LIPJ: variants seen among roughly 807,000 people sequenced by gnomAD.
The protein encoded by LIPJ is lipase family member J.
In LIPJ, 33 loss-of-function variants were observed where a neutral mutation model predicts 39.8. The ratio of observed to expected loss-of-function variants is 0.83; its 90% CI spans 0.63 to 1.11. The LOEUF is 1.11. Ranked by LOEUF, LIPJ falls within the 50% of genes least tolerant of loss-of-function variation. LIPJ has a pLI of 0.00. For synonymous variants in LIPJ, 128 were observed against 139.2 expected, an observed-to-expected ratio of 0.92 and a Z score of 0.57; for missense variants, 422 against 427.9, an observed-to-expected ratio of 0.99 and a Z score of 0.12.
At chr10:88,592,623 G>A (rs1209485844) in intron 4 of LIPJ, 1 of 151,878 alleles carries the variant, frequency 6.6e-6, no homozygotes, top group African/African-American at 2.4e-5. Context: ...AGATTAGAGA[G>A]CCAGCTTTTT....
At chr10:88,598,841 A>G (rs1851347876) in intron 8 of LIPJ, among the ~76,000 whole-genome samples, 1 of 151,402 alleles carries the variant, frequency 6.6e-6, no homozygotes. Flanking sequence ...TTTCAAATAC[A>G]GAGAAGAATT....
At chr10:88,609,646 ATC>A (rs895398150), downstream of LIPJ, among the ~76,000 whole-genome samples, 9 of 152,220 alleles carry the variant, frequency 5.9e-5, no homozygotes, top group Admixed American at 4.6e-4. Flanking sequence ...CACGCCTGTA[ATC>A]CCAGCACTTT....
chr10:88,589,186 G>C (rs977471516), intron 2 of LIPJ, among the ~76,000 whole-genome samples: 1 of 151,886 alleles, frequency 6.6e-6, no homozygotes, highest in Non-Finnish European at 1.5e-5. Context: ...GAAGCAAGCA[G>C]TGTGTAGTAA....
intron 4 of LIPJ, chr10:88,593,196 C>T (rs1851138287): frequency 6.6e-6 from 1 of 151,698 alleles, no homozygotes; most frequent in South Asian, 2.1e-4. Flanking sequence ...CCAAAGTGAC[C>T]AGGCGGTGGT....
intron 10 of LIPJ, 106 bp from the exon 11 acceptor site, chr10:88,606,568 C>T: frequency 1.6e-6 from 1 of 623,222 alleles, no homozygotes; most frequent in Non-Finnish European, 2.7e-6. Context: ...TTAGATTTGA[C>T]TTATTTTAAA....
intron 8 of LIPJ, among the ~76,000 whole-genome samples, chr10:88,597,758 G>A (rs963376681): frequency 2.0e-5 from 3 of 151,868 alleles, no homozygotes; most frequent in Non-Finnish European, 4.4e-5. Flanking sequence ...ATAAAGATAT[G>A]AGAAGGCAGA....
chr10:88,585,281 A>G (rs1230084755), upstream of LIPJ, among the ~76,000 whole-genome samples: 1 of 152,142 alleles, frequency 6.6e-6, no homozygotes, highest in Non-Finnish European at 1.5e-5. Flanking sequence ...GCTCTTTTCC[A>G]TCCTTTCCAG....
At chr10:88,613,175 G>A in the LIPJ span, among the ~76,000 whole-genome samples, 5 of 152,178 alleles carry the variant, frequency 3.3e-5, no homozygotes, top group South Asian at 4.2e-4. Context: ...TTGTTTCTTC[G>A]GGGCAATAGC....
chr10:88,586,237 A>G (rs532415171), upstream of LIPJ, among the ~76,000 whole-genome samples: 19 of 152,128 alleles, frequency 1.2e-4, no homozygotes, highest in South Asian at 1.2e-3. Context: ...TTACGCCCCA[A>G]CCTCCATGGG....
upstream of LIPJ, among the ~76,000 whole-genome samples, chr10:88,585,038 A>C (rs1850862680): frequency 6.6e-6 from 1 of 152,244 alleles, no homozygotes; most frequent in African/African-American, 2.4e-5. Flanking sequence ...TGAAATTAAA[A>C]GTTCAGATTT....
chr10:88,594,907 C>A lies in LIPJ; in HGVS notation c.439+131C>A, dbSNP rs541485601. ...AAACTGTGAGACAAACATAGTACAGCAGAATGCCCTGGAATCTTACATGCT... is the reference window on the plus strand; with the variant it reads ...AAACTGTGAGACAAACATAGTACAGAAGAATGCCCTGGAATCTTACATGCT... On this transcript the variant is annotated intron_variant, in intron 6 of 10. Coordinates refer to ENST00000371939, the Ensembl canonical transcript of LIPJ. 9.4e-5 allele frequency: 37 copies of A among 393,434 alleles called. No homozygotes were observed. In the South Asian group the frequency reaches 3.1e-3, roughly 33 times the overall value. The allele number at this position is 393,434 out of a possible 1,614,324, so 24.4% of individuals were successfully genotyped here.
At chr10:88,617,975 C>T in the LIPJ span, among the ~76,000 whole-genome samples, 3 of 152,328 alleles carry the variant, frequency 2.0e-5, no homozygotes, top group Middle Eastern at 3.4e-3. Context: ...AGCACTCTCC[C>T]TAGATGATCT....
At chr10:88,604,251 G>A (rs1161049815) in intron 9 of LIPJ, among the ~76,000 whole-genome samples, 1 of 152,158 alleles carries the variant, frequency 6.6e-6, no homozygotes, top group African/African-American at 2.4e-5. Context: ...CTTAGGGAAA[G>A]GAGGCAAAAA....
At chr10:88,590,800 T>C (rs1162324851) in intron 3 of LIPJ, 104 bp downstream of exon 3, 1 of 760,128 alleles carries the variant, frequency 1.3e-6, no homozygotes, top group Non-Finnish European at 2.2e-6. Flanking sequence ...CGTATACATC[T>C]ATATGTTAAT....
intron 8 of LIPJ, among the ~76,000 whole-genome samples, chr10:88,601,097 C>T (rs955050370): frequency 2.0e-5 from 3 of 152,022 alleles, no homozygotes; most frequent in Non-Finnish European, 2.9e-5. Flanking sequence ...TACCGACACA[C>T]GCCACCATGA....
chr10:88,590,171 C>T (rs1309319242), intron 2 of LIPJ, among the ~76,000 whole-genome samples: 1 of 151,532 alleles, frequency 6.6e-6, no homozygotes, highest in Non-Finnish European at 1.5e-5. Context: ...CCAAATCTCC[C>T]CGTTCTTTCC....
chr10:88,596,374 T>C (rs1299074662), exon 7 of LIPJ: 2 of 1,556,698 alleles, frequency 1.3e-6, no homozygotes, highest in Admixed American at 1.9e-5. Flanking sequence ...ACTTAAAAAG[T>C]CCTTTAATTA....
intron 9 of LIPJ, among the ~76,000 whole-genome samples, chr10:88,603,821 T>C (rs568866681): frequency 6.6e-6 from 1 of 152,354 alleles, no homozygotes; most frequent in East Asian, 1.9e-4. Flanking sequence ...ATTGATTTGA[T>C]ATAAATTATT....
chr10:88,591,297 A>T, intron 3 of LIPJ, 81 bp from the exon 4 acceptor site: 1 of 1,074,150 alleles, frequency 9.3e-7, no homozygotes, highest in East Asian at 2.5e-5. Flanking sequence ...TCATTGTCAC[A>T]TAATGCGTTA....
Sources: gnomAD v4.1 joint callset for allele counts (sites outside exome capture counted in the v4.1 genomes callset) on GRCh38, gnomAD v4.1.1 for gene constraint, MANE v1.5 for transcripts, NCBI Gene and HGNC (gene_info 2026-07-23, HGNC 2026-07-21) for gene names.